SAFB: variants seen among roughly 807,000 people sequenced by gnomAD.
The protein encoded by SAFB is scaffold attachment factor B.
SAFB carries 15 observed loss-of-function variants against 101.6 expected under a neutral mutation model. The observed-to-expected ratio is 0.15, with a 90% confidence interval of 0.10 to 0.23. The LOEUF (loss-of-function observed/expected upper bound fraction) is 0.23. Ranked by LOEUF, SAFB falls within the 10% of genes least tolerant of loss-of-function variation. SAFB has a pLI of 1.00. For missense variants in SAFB, 930 were observed against 1,104.1 expected (o/e 0.84, Z 2.23); for synonymous variants, 449 against 407.5 (o/e 1.10, Z -1.23).
intron 1 of SAFB, 90 bp downstream of exon 1, chr19:5,623,484 G>T (rs2053241779): frequency 1.7e-6 from 2 of 1,166,216 alleles, no homozygotes; most frequent in Non-Finnish European, 2.4e-6. Context: ...GTCCGCCCCC[G>T]GCCGCGTTCG....
chr19:5,623,478 G>A, intron 1 of SAFB, 84 bp downstream of exon 1: 2 of 1,216,420 alleles, frequency 1.6e-6, no homozygotes, highest in Non-Finnish European at 1.1e-6. Flanking sequence ...CCTGGCGTCC[G>A]CCCCCGGCCG....
intron 5 of SAFB, 63 bp from the exon 6 acceptor site, chr19:5,647,953 T>C (rs1365412588): frequency 4.9e-6 from 7 of 1,430,588 alleles, no homozygotes; most frequent in Non-Finnish European, 6.9e-6. Context: ...TTCTGGGTTT[T>C]CATTTAAATA....
chr19:5,660,993 C>T (rs543373220), intron 14 of SAFB, among the ~76,000 whole-genome samples: 1 of 125,760 alleles, frequency 8.0e-6, no homozygotes, highest in African/African-American at 3.0e-5. Context: ...CAGTGGCTCA[C>T]TGCAACCTCT....
In SAFB at chr19:5,656,206, T is replaced by C. The variant is rs541315155; in HGVS notation, c.1756-1035T>C. On this transcript the variant is annotated intron_variant, in intron 13 of 20. Transcript: ENST00000588852. Reference sequence around the variant, plus strand: ...TTAGGCATGGATATATATACCTGATTCTTCCTGTTCCCCTATCACACCTAC... The same window carrying C: ...TTAGGCATGGATATATATACCTGATCCTTCCTGTTCCCCTATCACACCTAC... 2.6e-5 allele frequency among the ~76,000 whole-genome samples: 4 copies of C among 152,304 alleles called. No individual in the cohort carries two copies. The East Asian group carries it at 7.7e-4, about 29-fold the overall frequency.
Position 5,649,933 on chromosome 19 carries a change from G to C in SAFB, c.1156G>C (p.Glu386Gln), listed in dbSNP as rs200348280. 1.2e-6 allele frequency: 2 copies of C among 1,613,646 alleles called. No homozygotes were observed. The highest frequency in any genetic ancestry group is 2.7e-5 in the African/African-American group (2 of 74,862). Reference protein sequence around the residue: ...EGADQKMSSPEDDSDTKRLSK... With the variant: ...EGADQKMSSPQDDSDTKRLSK... ...ATTGTCTTTTGTCTCTAGTTCTCCCGAAGATGACTCGGATACAAAAAGGCT... is the reference window on the plus strand; with the variant it reads ...ATTGTCTTTTGTCTCTAGTTCTCCCCAAGATGACTCGGATACAAAAAGGCT... The change falls in exon 8 of 21, where the codon GAA becomes CAA. Residue 386 changes from glutamate (E) to glutamine (Q), a missense_variant. Transcript: ENST00000588852.
At chr19:5,664,203 G>A in intron 16 of SAFB, 44 bp downstream of exon 16, 1 of 1,600,198 alleles carries the variant, frequency 6.2e-7, no homozygotes, top group Non-Finnish European at 8.5e-7. Flanking sequence ...CTTTTTCCTG[G>A]CTCATTCTGA....
intron 9 of SAFB, 80 bp from the exon 10 acceptor site, chr19:5,653,035 T>G: frequency 6.9e-7 from 1 of 1,448,520 alleles, no homozygotes; most frequent in Non-Finnish European, 9.6e-7. Context: ...ATGAGCAGAC[T>G]TCCCTGTGGG....
At chr19:5,648,136 C>T (rs2053863910) in intron 6 of SAFB, 93 bp downstream of exon 6, 1 of 1,083,996 alleles carries the variant, frequency 9.2e-7, no homozygotes, top group Non-Finnish European at 1.4e-6. Context: ...TTAAAAGTTA[C>T]CTTACTATAG....
chr19:5,627,300 A>G (rs1486001043), intron 2 of SAFB, among the ~76,000 whole-genome samples: 1 of 151,560 alleles, frequency 6.6e-6, no homozygotes, highest in East Asian at 1.9e-4. Context: ...GGCTGCCTCT[A>G]TCCACTGCCA....
At chr19:5,651,498 TGTCTTGG>T (rs2053937148) in intron 9 of SAFB, among the ~76,000 whole-genome samples, 1 of 152,148 alleles carries the variant, frequency 6.6e-6, no homozygotes, top group African/African-American at 2.4e-5. Flanking sequence ...TCACCACGGG[TGTCTTGG>T]GTCCATTGAC....
chr19:5,646,189 T>C (rs1219829006), intron 5 of SAFB, among the ~76,000 whole-genome samples: 1 of 152,314 alleles, frequency 6.6e-6, no homozygotes, highest in African/African-American at 2.4e-5. Context: ...TTATTTTTTT[T>C]CCCGTCTTCT....
chr19:5,649,868 T>A, intron 7 of SAFB, 58 bp from the exon 8 acceptor site: 1 of 1,503,044 alleles, frequency 6.7e-7, no homozygotes, highest in Non-Finnish European at 9.3e-7. Flanking sequence ...TTTTATGGTT[T>A]TGAGTTTGTT....
intron 17 of SAFB, chr19:5,666,792 T>G (rs1339717347): frequency 5.5e-6 from 3 of 540,916 alleles, no homozygotes; most frequent in Non-Finnish European, 9.9e-6. Flanking sequence ...CCAGCTCTGG[T>G]GGTGCTGTGG....
chr19:5,657,934 C>T (rs1197060837), intron 14 of SAFB, among the ~76,000 whole-genome samples: 1 of 152,152 alleles, frequency 6.6e-6, no homozygotes, highest in African/African-American at 2.4e-5. Flanking sequence ...CAAAAAATAC[C>T]AAATTTGCTC....
chr19:5,668,376 T>G lies in SAFB; in HGVS notation c.*85T>G. ...CTTAAACTGTGTAAAAATATTTTTT[T>G]TTAATCTGCTGCCATATTGTAGCTC... On this transcript the variant is annotated 3_prime_UTR_variant, in exon 21 of 21. Coordinates refer to ENST00000588852, the MANE Select transcript of SAFB (RefSeq NM_001201338.2). 6.9e-7 allele frequency: 1 copy of G among 1,444,566 alleles called. No individual in the cohort carries two copies. Among genetic ancestry groups the G allele is most frequent in the Non-Finnish European group, 9.2e-7 (1 of 1,084,384 alleles). The allele number at this position is 1,444,566 out of a possible 1,614,324, so 89.5% of individuals were successfully genotyped here.
At chr19:5,658,096 C>G (rs2054105477) in intron 14 of SAFB, among the ~76,000 whole-genome samples, 1 of 152,002 alleles carries the variant, frequency 6.6e-6, no homozygotes, top group Admixed American at 6.6e-5. Context: ...CTCCCCTGTT[C>G]AAGCAGTTCT....
chr19:5,623,307 G>T lies in SAFB; in HGVS notation c.102G>T (p.Leu34=), dbSNP rs776314278. The T allele has an allele frequency of 1.6e-5, 26 of 1,614,074 alleles. No individual in the cohort carries two copies. In the South Asian group the frequency reaches 2.6e-4, roughly 16 times the overall value. Residue 34 remains leucine (L), a synonymous_variant, in exon 1 of 21, where the codon CTG becomes CTT. Transcript: ENST00000588852. ...SETGTRRLSD[L]RVIDLRAELR... is the part of the protein sequence containing the mutation. ...CCGGGACGCGGCGCCTCAGCGACCT[G>T]CGAGTGATCGATCTGCGGGCGGAGC...
chr19:5,650,257 C>T (rs2053907859), intron 8 of SAFB, among the ~76,000 whole-genome samples: 1 of 152,124 alleles, frequency 6.6e-6, no homozygotes, highest in Non-Finnish European at 1.5e-5. Flanking sequence ...ATAATTTTAC[C>T]CTACCAAATT....
chr19:5,667,098 A>T lies in SAFB; in HGVS notation c.2387A>T (p.Asp796Val). The T allele has an allele frequency of 6.2e-7, 1 of 1,612,642 alleles. No individual in the cohort carries two copies. Among genetic ancestry groups the T allele is most frequent in the South Asian group, 1.1e-5 (1 of 91,058 alleles). ...GPERHGRDSRDGWGGYGSDKR... is the reference protein window; with the variant it reads ...GPERHGRDSRVGWGGYGSDKR... Reference sequence around the variant, plus strand: ...GAGCGCCACGGCCGGGACTCCCGCGATGGCTGGGGGGGCTATGGCTCTGAC... The same window carrying T: ...GAGCGCCACGGCCGGGACTCCCGCGTTGGCTGGGGGGGCTATGGCTCTGAC... The change falls in exon 18 of 21, where the codon GAT (aspartate) becomes GTT (valine). Residue 796 changes from aspartate (D) to valine (V), a missense_variant. Physicochemically the swap from Asp to Val is radical, Grantham distance 152 (BLOSUM62 -3). Transcript: ENST00000588852. This position sits in a 1 kb window ranked among gnomAD's most constrained non-coding sequence, Gnocchi z 4.0.
Sources: gnomAD v4.1 joint callset for allele counts (sites outside exome capture counted in the v4.1 genomes callset) on GRCh38, gnomAD v4.1.1 for gene constraint, Gnocchi (gnomAD v3.1) non-coding constraint, MANE v1.5 for transcripts, NCBI Gene and HGNC (gene_info 2026-07-23, HGNC 2026-07-21) for gene names.